The following DOCK9 variants were observed in gnomAD, a reference collection of about 807,000 sequenced individuals.
The protein encoded by DOCK9 is dedicator of cytokinesis 9.
In DOCK9, 89 loss-of-function variants were observed where a neutral mutation model predicts 263.3. The observed-to-expected ratio is 0.34, with a 90% CI of 0.28 to 0.40. DOCK9 has a LOEUF of 0.40. Among genes scored for constraint, DOCK9 ranks in the 10% least tolerant of loss-of-function variants. DOCK9 has a pLI of 1.00. For synonymous variants in DOCK9, 976 were observed against 973.1 expected, an observed-to-expected ratio of 1.00 and a Z score of -0.06; for missense variants, 2,140 against 2,603.4, an observed-to-expected ratio of 0.82 and a Z score of 3.87.
intron 1 of DOCK9, among the ~76,000 whole-genome samples, chr13:98,987,098 A>G (rs1878655040): frequency 6.6e-6 from 1 of 152,030 alleles, no homozygotes; most frequent in Admixed American, 6.6e-5. Flanking sequence ...CACCACCATC[A>G]ATGGGTTTCT....
chr13:98,805,289 C>A, intron 48 of DOCK9, 80 bp from the exon 49 acceptor site: 1 of 1,241,484 alleles, frequency 8.1e-7, no homozygotes, highest in Non-Finnish European at 1.1e-6. Context: ...TATTTTCCAA[C>A]ATTTTATTTG....
intron 1 of DOCK9, among the ~76,000 whole-genome samples, chr13:99,082,278 G>A (rs2042150523): frequency 6.6e-6 from 1 of 151,678 alleles, no homozygotes; most frequent in African/African-American, 2.4e-5. Flanking sequence ...AGCACTTTGG[G>A]AGGCCGAGGT....
chr13:98,927,917 C>A (rs1156351072), intron 3 of DOCK9, among the ~76,000 whole-genome samples: 1 of 151,440 alleles, frequency 6.6e-6, no homozygotes, highest in Non-Finnish European at 1.5e-5. Flanking sequence ...CTGCGCCTGG[C>A]CAAGATTTTA....
At chr13:98,858,531 A>G (rs932235888) in intron 33 of DOCK9, 7 of 152,220 alleles carry the variant, frequency 4.6e-5, no homozygotes, top group African/African-American at 7.2e-5. Flanking sequence ...ATGAACAAAG[A>G]ATTGTTAAAG....
intron 15 of DOCK9, among the ~76,000 whole-genome samples, chr13:98,890,575 A>T (rs1595026701): frequency 1.3e-5 from 2 of 152,188 alleles, no homozygotes; most frequent in African/African-American, 4.8e-5. Context: ...CCTGTTTCAG[A>T]TCTCCTTTAG....
intron 1 of DOCK9, among the ~76,000 whole-genome samples, chr13:98,990,667 A>T (rs1462371417): frequency 2.0e-5 from 3 of 152,218 alleles, no homozygotes; most frequent in African/African-American, 7.2e-5. Flanking sequence ...AGGGACACAC[A>T]TCCACAAAAA....
intron 10 of DOCK9, among the ~76,000 whole-genome samples, chr13:98,904,361 A>T (rs1595161634): frequency 6.6e-6 from 1 of 152,260 alleles, no homozygotes; most frequent in African/African-American, 2.4e-5. Context: ...TTATTTTAAC[A>T]GGTAAATTAG....
chr13:99,058,026 G>C (rs544758722), intron 1 of DOCK9, among the ~76,000 whole-genome samples: 1 of 152,024 alleles, frequency 6.6e-6, no homozygotes, highest in East Asian at 1.9e-4. Context: ...AAAACAGAGG[G>C]GGAAGGGTAT....
At chr13:99,046,397 T>C (rs1421355819) in intron 1 of DOCK9, among the ~76,000 whole-genome samples, 1 of 152,144 alleles carries the variant, frequency 6.6e-6, no homozygotes, top group African/African-American at 2.4e-5. Flanking sequence ...CACTCACCCA[T>C]GAGATTAACA....
intron 32 of DOCK9, among the ~76,000 whole-genome samples, chr13:98,861,234 G>A (rs1403806914): frequency 6.6e-6 from 1 of 152,142 alleles, no homozygotes; most frequent in Non-Finnish European, 1.5e-5. Context: ...ATGCACAAAC[G>A]CTATACACAC....
chr13:98,930,532 G>A (rs1395580280), intron 2 of DOCK9, among the ~76,000 whole-genome samples: 1 of 152,146 alleles, frequency 6.6e-6, no homozygotes, highest in African/African-American at 2.4e-5. Context: ...TAGAGGCCCC[G>A]TTCAAAGTCC....
chr13:98,820,558 G>A, intron 45 of DOCK9: 2 of 269,260 alleles, frequency 7.4e-6, no homozygotes, highest in Non-Finnish European at 7.3e-6. Context: ...GACAGAGGAG[G>A]CTGTTCCTGA....
intron 1 of DOCK9, among the ~76,000 whole-genome samples, chr13:99,042,105 ACT>A (rs1888514452): frequency 6.6e-6 from 1 of 152,292 alleles, no homozygotes; most frequent in Admixed American, 6.5e-5. Context: ...AACATGGGAA[ACT>A]CTGTGGTTGG....
intron 1 of DOCK9, among the ~76,000 whole-genome samples, chr13:99,079,545 C>T (rs1296229700): frequency 6.6e-6 from 1 of 152,220 alleles, no homozygotes; most frequent in African/African-American, 2.4e-5. Context: ...CTATTAACTA[C>T]TTCACATGCA....
chr13:98,853,482 C>T lies in DOCK9; in HGVS notation c.3872G>A (p.Cys1291Tyr). The change falls in exon 35 of 53, where the codon TGT becomes TAT. Residue 1291 changes from cysteine to tyrosine, a missense_variant. By Grantham distance (194) the Cys-to-Tyr change is radical. Around this residue, in one of 2 missense-constraint regions of DOCK9, gnomAD observed 1,521 missense variants for 1,741.7 expected, o/e 0.87. Transcript: ENST00000682017. ...AATCTCAGACTGGTCAAGTTTATCA[C>T]AGCGAACCACGGAATTTCCCAATGT... ...SSTLGNSVVR[C>Y]DKLDQSEIKS... is the part of the protein sequence containing the mutation. The T allele has an allele frequency of 6.2e-7, 1 of 1,613,754 alleles. No homozygotes were observed. Among genetic ancestry groups the T allele is most frequent in the Non-Finnish European group, 8.5e-7 (1 of 1,179,768 alleles).
chr13:98,984,778 C>T (rs1878048280), intron 1 of DOCK9, among the ~76,000 whole-genome samples: 1 of 152,164 alleles, frequency 6.6e-6, no homozygotes, highest in Non-Finnish European at 1.5e-5. Context: ...GCCCCACAGA[C>T]TTTACCTGTA....
chr13:99,069,970 C>T (rs2041596394), intron 1 of DOCK9, among the ~76,000 whole-genome samples: 1 of 152,186 alleles, frequency 6.6e-6, no homozygotes, highest in Non-Finnish European at 1.5e-5. Context: ...AATAATAAAA[C>T]TATCCCTGTC....
chr13:98,841,744 C>T (rs1426737404), intron 38 of DOCK9, among the ~76,000 whole-genome samples: 1 of 151,624 alleles, frequency 6.6e-6, no homozygotes, highest in Non-Finnish European at 1.5e-5. Context: ...GCCTCAACCT[C>T]CTGAGTAGCT....
chr13:99,013,702 G>A (rs888065497), intron 1 of DOCK9, among the ~76,000 whole-genome samples: 1 of 152,158 alleles, frequency 6.6e-6, no homozygotes, highest in Non-Finnish European at 1.5e-5. Context: ...TATCCAGAAC[G>A]AGGTGAGGAA....
Sources: gnomAD v4.1 joint callset for allele counts (sites outside exome capture counted in the v4.1 genomes callset) on GRCh38, gnomAD v4.1.1 for gene constraint, gnomAD v4.1.1 regional missense constraint, MANE v1.5 for transcripts, NCBI Gene and HGNC (gene_info 2026-07-23, HGNC 2026-07-21) for gene names.